FBXL7: variants seen among roughly 807,000 people sequenced by gnomAD.
FBXL7 encodes F-box and leucine rich repeat protein 7, also known as F-box/LRR-repeat protein 7.
In FBXL7, 12 loss-of-function variants were observed where a neutral mutation model predicts 38.3. That is an observed-to-expected ratio of 0.31 (90% CI 0.20 to 0.51). The LOEUF (loss-of-function observed/expected upper bound fraction) is 0.51. Ranked by LOEUF, FBXL7 falls within the 20% of genes least tolerant of loss-of-function variation. FBXL7 has a pLI of 0.98. For missense variants in FBXL7, 567 were observed against 676.4 expected, an observed-to-expected ratio of 0.84 and a Z score of 1.79; for synonymous variants, 297 against 300.9, an observed-to-expected ratio of 0.99 and a Z score of 0.13.
At chr5:15,748,954 T>G (rs1279910281) in intron 2 of FBXL7, among the ~76,000 whole-genome samples, 3 of 152,274 alleles carry the variant, frequency 2.0e-5, no homozygotes, top group African/African-American at 7.2e-5. Flanking sequence ...CTTTAAGATT[T>G]CAACAGTTAG....
At chr5:15,766,839 C>G (rs370999969) in intron 2 of FBXL7, among the ~76,000 whole-genome samples, 5 of 152,244 alleles carry the variant, frequency 3.3e-5, no homozygotes, top group African/African-American at 1.2e-4. Flanking sequence ...TAAAGAAACT[C>G]GATACACTGT....
intron 2 of FBXL7, among the ~76,000 whole-genome samples, chr5:15,801,941 A>T (rs1737581102): frequency 6.6e-6 from 1 of 151,940 alleles, no homozygotes; most frequent in Non-Finnish European, 1.5e-5. Context: ...AATTCAAGAG[A>T]TGTTAGGGAC....
intron 2 of FBXL7, among the ~76,000 whole-genome samples, chr5:15,912,739 A>C (rs950014767): frequency 4.6e-5 from 7 of 152,102 alleles, no homozygotes; most frequent in Non-Finnish European, 8.8e-5. Flanking sequence ...CCACCATAAA[A>C]GTCCTGCCTC....
chr5:15,818,361 C>T (rs1339811112), intron 2 of FBXL7, among the ~76,000 whole-genome samples: 3 of 152,116 alleles, frequency 2.0e-5, no homozygotes, highest in African/African-American at 7.2e-5. Context: ...CCCTTCTTAT[C>T]CATATGTCTT....
At chr5:15,702,980 G>C (rs1271257673) in intron 2 of FBXL7, among the ~76,000 whole-genome samples, 1 of 152,142 alleles carries the variant, frequency 6.6e-6, no homozygotes, top group Non-Finnish European at 1.5e-5. Context: ...GAGCCAGGAT[G>C]AGCCAGGAGA....
At chr5:15,546,471 G>A (rs1054299643) in intron 1 of FBXL7, among the ~76,000 whole-genome samples, 3 of 152,214 alleles carry the variant, frequency 2.0e-5, no homozygotes, top group Admixed American at 6.5e-5. Flanking sequence ...GGAGGCTGAG[G>A]CAGGAGAAAT....
At chr5:15,644,415 C>T (rs1263945869) in intron 2 of FBXL7, among the ~76,000 whole-genome samples, 2 of 151,454 alleles carry the variant, frequency 1.3e-5, no homozygotes, top group Admixed American at 6.6e-5. Context: ...GCAGAGGTTG[C>T]GGTGAGCCGA....
At chr5:15,691,323 T>C (rs1743176703) in intron 2 of FBXL7, among the ~76,000 whole-genome samples, 1 of 152,214 alleles carries the variant, frequency 6.6e-6, no homozygotes, top group South Asian at 2.1e-4. Context: ...ACTTGATGTT[T>C]CATGTAATTG....
chr5:15,683,918 A>T (rs2126613461), intron 2 of FBXL7, among the ~76,000 whole-genome samples: 1 of 152,298 alleles, frequency 6.6e-6, no homozygotes, highest in Non-Finnish European at 1.5e-5. Flanking sequence ...TCCTAGTATG[A>T]AAAATGAAGA....
intron 1 of FBXL7, among the ~76,000 whole-genome samples, chr5:15,552,822 G>A (rs575004490): frequency 2.0e-5 from 3 of 152,168 alleles, no homozygotes; most frequent in African/African-American, 4.8e-5. Flanking sequence ...GATGGCTCAC[G>A]CCTATAATCC....
intron 2 of FBXL7, among the ~76,000 whole-genome samples, chr5:15,640,120 A>G (rs957687150): frequency 2.6e-5 from 4 of 152,200 alleles, no homozygotes; most frequent in Non-Finnish European, 5.9e-5. Flanking sequence ...GCACTGCCAT[A>G]ACAAAGTATA....
intron 2 of FBXL7, among the ~76,000 whole-genome samples, chr5:15,849,993 T>C (rs558544457): frequency 3.3e-5 from 5 of 152,300 alleles, no homozygotes; most frequent in African/African-American, 9.6e-5. Context: ...TAGTGGGGGT[T>C]GACTTAGGAC....
chr5:15,502,818 A>G (rs904248314), intron 1 of FBXL7, among the ~76,000 whole-genome samples: 2 of 152,228 alleles, frequency 1.3e-5, no homozygotes, highest in African/African-American at 4.8e-5. Flanking sequence ...TGGCAGTGCC[A>G]TCTTTCTTAT....
intron 1 of FBXL7, among the ~76,000 whole-genome samples, chr5:15,520,483 G>T (rs1580349341): frequency 6.6e-6 from 1 of 152,174 alleles, no homozygotes; most frequent in Non-Finnish European, 1.5e-5. Flanking sequence ...GGGTATGTGT[G>T]TTTATGGTTT....
intron 2 of FBXL7, among the ~76,000 whole-genome samples, chr5:15,706,694 A>G (rs1743689546): frequency 6.6e-6 from 1 of 152,218 alleles, no homozygotes; most frequent in African/African-American, 2.4e-5. Flanking sequence ...ACAAAAAAAC[A>G]AAAGAACAAC....
At position 15,917,683 on chromosome 5, in the gene FBXL7, A is replaced by AAGGAAGG. The variant is rs1225316292; in HGVS notation, c.128-10205_128-10199dup. 1.4e-4 allele frequency among the ~76,000 whole-genome samples: 21 copies of AAGGAAGG among 149,668 alleles called. No individual in the cohort carries two copies. The East Asian group carries it at 4.2e-3, about 30-fold the overall frequency. On this transcript the variant is annotated intron_variant, in intron 2 of 3. Transcript: ENST00000504595. ...GAAGGAAGGAAGGAAGGAAGGAAGG[A>AAGGAAGG]AGGAAGGAAGGAAGAAAGAAAGGAA...
chr5:15,642,768 T>G (rs1320626397), intron 2 of FBXL7, among the ~76,000 whole-genome samples: 1 of 152,164 alleles, frequency 6.6e-6, no homozygotes, highest in Non-Finnish European at 1.5e-5. Flanking sequence ...GGAATCCATA[T>G]TAGAGCCTTC....
intron 2 of FBXL7, among the ~76,000 whole-genome samples, chr5:15,776,793 A>G (rs565307069): frequency 2.2e-4 from 33 of 152,254 alleles, no homozygotes; most frequent in Admixed American, 1.2e-3. Flanking sequence ...TCTTATGTTC[A>G]TTGTTTATAC....
intron 2 of FBXL7, among the ~76,000 whole-genome samples, chr5:15,830,750 A>T (rs1738434869): frequency 6.6e-6 from 1 of 152,050 alleles, no homozygotes. Flanking sequence ...TCACATGTTG[A>T]CCTTGAGGCC....
Sources: gnomAD v4.1 joint callset for allele counts (sites outside exome capture counted in the v4.1 genomes callset) on GRCh38, gnomAD v4.1.1 for gene constraint, MANE v1.5 for transcripts, NCBI Gene and HGNC (gene_info 2026-07-23, HGNC 2026-07-21) for gene names.